The following ZEB1 variants were observed in gnomAD, a reference collection of about 807,000 sequenced individuals.
The protein encoded by ZEB1 is zinc finger E-box binding homeobox 1.
A neutral mutation model predicts 84.9 loss-of-function variants in ZEB1; 21 were observed. The ratio of observed to expected loss-of-function variants is 0.25; its 90% CI spans 0.18 to 0.36. ZEB1 has a LOEUF of 0.36. ZEB1 is among the 10% of genes least tolerant of loss of function. The pLI, the probability that ZEB1 is intolerant of heterozygous loss-of-function variation, is 1.00. For synonymous variants in ZEB1, 420 were observed against 471.1 expected (o/e 0.89, Z 1.41); for missense variants, 1,104 against 1,330.2 (o/e 0.83, Z 2.65).
chr10:31,397,982 A>C (rs1159811750), intron 1 of ZEB1, among the ~76,000 whole-genome samples: 1 of 152,240 alleles, frequency 6.6e-6, no homozygotes, highest in Non-Finnish European at 1.5e-5. Context: ...CCTGTTTTCT[A>C]TACTGAATAT....
intron 1 of ZEB1, among the ~76,000 whole-genome samples, chr10:31,375,206 A>G (rs551724551): frequency 3.8e-4 from 58 of 151,826 alleles, no homozygotes; most frequent in African/African-American, 1.3e-3. Context: ...TTTTCTGGAT[A>G]TACTCAAAGT....
intron 1 of ZEB1, among the ~76,000 whole-genome samples, chr10:31,320,899 T>A (rs1259948303): frequency 1.3e-5 from 2 of 152,160 alleles, no homozygotes; most frequent in African/African-American, 2.4e-5. Flanking sequence ...TGTATAATAA[T>A]GGGCGGCAAC....
chr10:31,380,963 A>T (rs1401341322), intron 1 of ZEB1, among the ~76,000 whole-genome samples: 1 of 152,156 alleles, frequency 6.6e-6, no homozygotes, highest in Non-Finnish European at 1.5e-5. Context: ...GGTCAAATAC[A>T]TTATTTTGTG....
intron 1 of ZEB1, among the ~76,000 whole-genome samples, chr10:31,379,831 ACT>A (rs1358160978): frequency 6.6e-6 from 1 of 151,734 alleles, no homozygotes; most frequent in Non-Finnish European, 1.5e-5. Context: ...TGCTTCATCT[ACT>A]CTCTTCTTTT....
chr10:31,346,838 G>A (rs1390625898), intron 1 of ZEB1, among the ~76,000 whole-genome samples: 4 of 151,976 alleles, frequency 2.6e-5, no homozygotes, highest in Non-Finnish European at 4.4e-5. Flanking sequence ...GTCAGTTATC[G>A]TCTTCAGACT....
chr10:31,461,143 T>C lies in ZEB1; in HGVS notation c.165T>C (p.Gly55=). The change falls in exon 2 of 9, where the codon GGT becomes GGC. Residue 55 remains glycine (G), a synonymous_variant. Coordinates refer to ENST00000424869, the MANE Select transcript of ZEB1 (RefSeq NM_001174096.2). ...TTACAGATGCAGCTGACTGTGAAGG[T>C]GTACCAGAGGATGACCTGCCAACAG... ...ESVTDAADCE[G]VPEDDLPTDQ... 6.2e-7 allele frequency: 1 copy of C among 1,613,556 alleles called. No individual in the cohort carries two copies. Among genetic ancestry groups the C allele is most frequent in the Admixed American group, 1.7e-5 (1 of 59,860 alleles).
intron 1 of ZEB1, among the ~76,000 whole-genome samples, chr10:31,366,175 C>T (rs1490250132): frequency 1.3e-5 from 2 of 152,156 alleles, no homozygotes; most frequent in Non-Finnish European, 2.9e-5. Context: ...CCTGAACTTA[C>T]TTTTTATAGC....
intron 4 of ZEB1, among the ~76,000 whole-genome samples, chr10:31,505,931 A>C (rs2068900065): frequency 6.6e-6 from 1 of 151,634 alleles, no homozygotes; most frequent in Non-Finnish European, 1.5e-5. Context: ...ATAGGTTTTG[A>C]TATGTTCTGT....
intron 1 of ZEB1, chr10:31,387,291 A>G (rs1239833524): frequency 1.0e-6 from 1 of 985,468 alleles, no homozygotes; most frequent in Admixed American, 6.2e-5. Flanking sequence ...GTGAGTGCAC[A>G]CTCGTGGGCC....
intron 1 of ZEB1, among the ~76,000 whole-genome samples, chr10:31,391,231 T>TTGTGTGTG (rs780805467): frequency 1.1e-3 from 154 of 134,778 alleles, no homozygotes; most frequent in South Asian, 1.8e-3. Flanking sequence ...ACAGGTAAGT[T>TTGTGTGTG]TGTGTGTGTG....
At chr10:31,373,944 C>T (rs1024218069) in intron 1 of ZEB1, among the ~76,000 whole-genome samples, 1 of 151,412 alleles carries the variant, frequency 6.6e-6, no homozygotes, top group African/African-American at 2.4e-5. Flanking sequence ...TATTTGATTC[C>T]TGCATATCCC....
intron 1 of ZEB1, among the ~76,000 whole-genome samples, chr10:31,385,233 T>TAA (rs1044588851): frequency 1.3e-5 from 2 of 152,236 alleles, no homozygotes; most frequent in African/African-American, 4.8e-5. Flanking sequence ...CCAAGTTTAC[T>TAA]ACCTGTTTTC....
intron 1 of ZEB1, chr10:31,361,001 C>A: frequency 6.2e-7 from 1 of 1,607,590 alleles, no homozygotes; most frequent in Non-Finnish European, 8.5e-7. Context: ...ATGGTACAGG[C>A]GCTTTACAAG....
chr10:31,405,967 G>C, intron 1 of ZEB1, among the ~76,000 whole-genome samples: 1 of 152,124 alleles, frequency 6.6e-6, no homozygotes, highest in East Asian at 1.9e-4. Context: ...TCCTGCGTTA[G>C]TTTGCTGAGA....
chr10:31,328,355 T>C (rs1004953392), intron 1 of ZEB1, among the ~76,000 whole-genome samples: 3 of 152,172 alleles, frequency 2.0e-5, no homozygotes, highest in African/African-American at 7.2e-5. Context: ...AAATTGGACA[T>C]GACAGTCTAA....
chr10:31,423,134 T>C (rs932049862), intron 1 of ZEB1, among the ~76,000 whole-genome samples: 10 of 152,082 alleles, frequency 6.6e-5, no homozygotes, highest in African/African-American at 2.2e-4. Flanking sequence ...GACTGTGGCA[T>C]AGGAGTGTAA....
intron 1 of ZEB1, among the ~76,000 whole-genome samples, chr10:31,454,370 C>G (rs914080476): frequency 6.6e-6 from 1 of 152,158 alleles, no homozygotes; most frequent in Non-Finnish European, 1.5e-5. Flanking sequence ...GATGCCCTCT[C>G]TCACCACTCC....
intron 2 of ZEB1, among the ~76,000 whole-genome samples, chr10:31,482,573 A>C (rs561470886): frequency 1.3e-5 from 2 of 152,064 alleles, no homozygotes; most frequent in East Asian, 3.9e-4. Context: ...TATATCTTTC[A>C]TAACACTGCT....
intron 6 of ZEB1, among the ~76,000 whole-genome samples, 155 bp from the exon 7 acceptor site, chr10:31,519,971 G>C (rs914575430): frequency 2.0e-5 from 3 of 152,136 alleles, no homozygotes; most frequent in Non-Finnish European, 4.4e-5. Context: ...TGTAGGTTTT[G>C]AAGCTAAAAA....
Sources: gnomAD v4.1 joint callset for allele counts (sites outside exome capture counted in the v4.1 genomes callset) on GRCh38, gnomAD v4.1.1 for gene constraint, MANE v1.5 for transcripts, NCBI Gene and HGNC (gene_info 2026-07-23, HGNC 2026-07-21) for gene names.